Variants in DLGAP4 observed in about 807,000 individuals in gnomAD.
DLGAP4 encodes DLG associated protein 4, also known as disks large-associated protein 4.
Under a neutral mutation model 86.9 loss-of-function variants are expected in DLGAP4, and 18 were observed. The observed-to-expected ratio is 0.21, with a 90% CI of 0.14 to 0.31. The LOEUF (loss-of-function observed/expected upper bound fraction) is 0.31. Ranked by LOEUF, DLGAP4 falls within the 10% of genes least tolerant of loss-of-function variation. DLGAP4 has a pLI of 1.00. For missense variants in DLGAP4, 1,085 were observed against 1,362.6 expected (o/e 0.80, Z 3.21); for synonymous variants, 548 against 574.3 (o/e 0.95, Z 0.65).
intron 1 of DLGAP4, among the ~76,000 whole-genome samples, chr20:36,320,448 G>T (rs1418409021): frequency 6.6e-6 from 1 of 152,060 alleles, no homozygotes; most frequent in Non-Finnish European, 1.5e-5. Flanking sequence ...TTGCCCTGGT[G>T]GACTCCCTCT....
chr20:36,527,831 C>G lies in DLGAP4; in HGVS notation c.*800C>G, dbSNP rs2037862271. 1 of 152,704 alleles carries G rather than the reference C, an allele frequency of 6.5e-6. No individual in the cohort carries two copies. Among genetic ancestry groups the G allele is most frequent in the South Asian group, 2.1e-4 (1 of 4,836 alleles). 9.5% of individuals were successfully genotyped at this position (152,704 alleles called of 1,614,324 possible). ...TTTTATTTTCTCCAGCCCCTTCTTC[C>G]TTCAGCAAAATCTAGGACTCCCGAG... On this transcript the variant is annotated 3_prime_UTR_variant, in exon 13 of 13. Transcript: ENST00000339266.
intron 10 of DLGAP4, among the ~76,000 whole-genome samples, chr20:36,502,792 C>T (rs1478865556): frequency 2.0e-5 from 3 of 151,956 alleles, no homozygotes; most frequent in Non-Finnish European, 4.4e-5. Flanking sequence ...GGTGTGATCT[C>T]AGCTCACTGC....
chr20:36,399,340 T>G (rs1694755721), intron 2 of DLGAP4, among the ~76,000 whole-genome samples: 1 of 152,262 alleles, frequency 6.6e-6, no homozygotes, highest in African/African-American at 2.4e-5. Flanking sequence ...GCAAGTCACT[T>G]CCACCCGAAG....
intron 1 of DLGAP4, among the ~76,000 whole-genome samples, chr20:36,341,890 T>TC (rs2065386748): frequency 6.6e-6 from 1 of 152,148 alleles, no homozygotes; most frequent in Non-Finnish European, 1.5e-5. Flanking sequence ...CACCACAGCC[T>TC]CCCGCCTTCC....
chr20:36,520,790 T>C (rs1393671029), intron 10 of DLGAP4, among the ~76,000 whole-genome samples: 1 of 151,992 alleles, frequency 6.6e-6, no homozygotes, highest in African/African-American at 2.4e-5. Flanking sequence ...AAGAAACCAT[T>C]GCAAAATCCA....
intron 1 of DLGAP4, among the ~76,000 whole-genome samples, chr20:36,307,273 GGATGGACCA>G (rs2065012800): frequency 6.6e-6 from 1 of 152,232 alleles, no homozygotes; most frequent in Admixed American, 6.5e-5. Flanking sequence ...AGCTGGTGGC[GGATGGACCA>G]GGTGGCCGCG....
At chr20:36,525,714 TACTTACCCAGAC>T (rs1466560534) in intron 11 of DLGAP4, 125 bp from the exon 12 acceptor site, 10 of 1,158,088 alleles carry the variant, frequency 8.6e-6, no homozygotes, top group Middle Eastern at 3.0e-4. Flanking sequence ...TTCATACAGA[TACTTACCCAGAC>T]ACTAGGCCTC....
At chr20:36,477,604 C>A (rs1176296682) in intron 7 of DLGAP4, among the ~76,000 whole-genome samples, 1 of 152,106 alleles carries the variant, frequency 6.6e-6, no homozygotes, top group Non-Finnish European at 1.5e-5. Context: ...TCACAGGACC[C>A]AAGCATAATT....
chr20:36,480,498 G>A (rs150118732), intron 7 of DLGAP4, among the ~76,000 whole-genome samples: 2,535 of 152,074 alleles, frequency 0.017, 79 homozygotes, highest in African/African-American at 0.058. Context: ...GAGCCCAGGA[G>A]TTTGAGATCA....
intron 7 of DLGAP4, chr20:36,492,323 A>G (rs1426218847): frequency 6.6e-6 from 1 of 152,364 alleles, no homozygotes; most frequent in African/African-American, 2.4e-5. Context: ...ATGCTAGACA[A>G]CACCACTTAT....
intron 2 of DLGAP4, among the ~76,000 whole-genome samples, chr20:36,396,354 T>G (rs62210462): frequency 1.2e-3 from 6 of 5,048 alleles, no homozygotes; most frequent in East Asian, 5.7e-3. Flanking sequence ...CACACACACA[T>G]ACCACACGCA....
chr20:36,525,009 G>GAGAT (rs1198755311), intron 11 of DLGAP4, among the ~76,000 whole-genome samples: 25 of 151,638 alleles, frequency 1.6e-4, no homozygotes, highest in Non-Finnish European at 3.1e-4. Flanking sequence ...ATGAGGTCAG[G>GAGAT]AGATGGAGAC....
chr20:36,491,380 A>G (rs1288936447), intron 7 of DLGAP4, among the ~76,000 whole-genome samples: 1 of 152,074 alleles, frequency 6.6e-6, no homozygotes, highest in East Asian at 1.9e-4. Context: ...TGCACGGAGG[A>G]TGCATCGCAC....
chr20:36,458,516 C>G (rs553175789), intron 7 of DLGAP4, among the ~76,000 whole-genome samples: 1 of 151,084 alleles, frequency 6.6e-6, no homozygotes, highest in South Asian at 2.1e-4. Flanking sequence ...CATGAACCAC[C>G]GTGCCTGGCA....
intron 2 of DLGAP4, among the ~76,000 whole-genome samples, chr20:36,404,018 T>G (rs550460779): frequency 6.6e-6 from 1 of 152,342 alleles, no homozygotes; most frequent in South Asian, 2.1e-4. Context: ...AGTCACATAC[T>G]GTCATTTCCA....
chr20:36,354,067 C>T (rs1254337447), intron 1 of DLGAP4, among the ~76,000 whole-genome samples: 2 of 152,188 alleles, frequency 1.3e-5, no homozygotes, highest in Non-Finnish European at 1.5e-5. Context: ...TGGGGATGGC[C>T]GTAGGAAGGA....
At chr20:36,442,145 GCAGA>G (rs1405729824) in intron 5 of DLGAP4, among the ~76,000 whole-genome samples, 2 of 152,202 alleles carry the variant, frequency 1.3e-5, no homozygotes, top group African/African-American at 2.4e-5. Flanking sequence ...ATGAGAGGCA[GCAGA>G]CAGAGGATCC....
At chr20:36,493,536 C>T (rs952092865) in intron 7 of DLGAP4, among the ~76,000 whole-genome samples, 2 of 152,226 alleles carry the variant, frequency 1.3e-5, no homozygotes, top group South Asian at 2.1e-4. Flanking sequence ...CCTCTGCCTC[C>T]GTCGAGGCCC....
intron 11 of DLGAP4, among the ~76,000 whole-genome samples, chr20:36,524,621 C>T (rs996446418): frequency 1.3e-5 from 2 of 152,100 alleles, no homozygotes; most frequent in South Asian, 2.1e-4. Flanking sequence ...TATTCTGTAT[C>T]GGCCGGGCAC....
Sources: gnomAD v4.1 joint callset for allele counts (sites outside exome capture counted in the v4.1 genomes callset) on GRCh38, gnomAD v4.1.1 for gene constraint, MANE v1.5 for transcripts, NCBI Gene and HGNC (gene_info 2026-07-23, HGNC 2026-07-21) for gene names.